Variants in PBX4 observed in about 807,000 individuals in gnomAD.
PBX4 encodes PBX homeobox 4, also known as pre-B-cell leukemia transcription factor 4.
A neutral mutation model predicts 35.1 loss-of-function variants in PBX4; 26 were observed. The ratio of observed to expected loss-of-function variants is 0.74; its 90% CI spans 0.54 to 1.03. The LOEUF is 1.03. Ranked by LOEUF, PBX4 falls within the 50% of genes least tolerant of loss-of-function variation. PBX4 has a pLI of 0.00. For synonymous variants in PBX4, 199 were observed against 204.2 expected (o/e 0.97, Z 0.22); for missense variants, 448 against 504.3 (o/e 0.89, Z 1.07).
chr19:19,569,334 C>T lies in PBX4; in HGVS notation c.768+115G>A, dbSNP rs971578291. 1.4e-5 allele frequency: 19 copies of T among 1,353,748 alleles called. No individual in the cohort carries two copies. The African/African-American group carries it at 2.8e-4, about 20-fold the overall frequency. The allele number at this position is 1,353,748 out of a possible 1,614,324, so 83.9% of individuals were successfully genotyped here. On this transcript the variant is annotated intron_variant, in intron 5 of 7. Transcript: ENST00000251203. ...CTCATCCTCCCAAAGTGCTGGGATT[C>T]CAGCAGCCATGCCTGGCCTCTGCAC... is the stretch of plus-strand genomic sequence containing the variant.
intron 5 of PBX4, among the ~76,000 whole-genome samples, chr19:19,565,305 G>A (rs1008691697): frequency 2.0e-5 from 3 of 152,222 alleles, no homozygotes; most frequent in South Asian, 4.1e-4. Context: ...TGGAGCTGGC[G>A]TGTCTTAGAA....
intron 2 of PBX4, among the ~76,000 whole-genome samples, chr19:19,595,445 T>C (rs952264608): frequency 6.6e-6 from 1 of 151,768 alleles, no homozygotes; most frequent in Non-Finnish European, 1.5e-5. Flanking sequence ...TGCCAGGGAG[T>C]TGAGGGCAAA....
intron 5 of PBX4, 62 bp from the exon 6 acceptor site, chr19:19,565,151 C>A: frequency 1.2e-6 from 2 of 1,605,424 alleles, no homozygotes; most frequent in South Asian, 2.2e-5. Flanking sequence ...ACGACGCAGT[C>A]TGTGGGTTCC....
In PBX4 at chr19:19,592,124, C is replaced by T. The variant is rs568123981; in HGVS notation, c.193+7168G>A. ...TCTCGAACTCCTGACCTCAGGTGAT[C>T]CGTCTGCCTCAGCCTCCCAAAGTGC... On this transcript the variant is annotated intron_variant, in intron 2 of 7. Transcript: ENST00000251203. 2.6e-5 allele frequency among the ~76,000 whole-genome samples: 4 copies of T among 152,160 alleles called. No individual in the cohort carries two copies. In the South Asian group the frequency reaches 8.3e-4, roughly 32 times the overall value.
At chr19:19,567,728 C>G (rs1474481266) in intron 5 of PBX4, among the ~76,000 whole-genome samples, 1 of 152,140 alleles carries the variant, frequency 6.6e-6, no homozygotes, top group Non-Finnish European at 1.5e-5. Flanking sequence ...TCTTTCACCC[C>G]CAGTTCCACA....
chr19:19,563,717 C>A lies in PBX4; in HGVS notation c.926-102G>T. The A allele has an allele frequency of 1.0e-6, 1 of 973,896 alleles. No individual in the cohort carries two copies. Among genetic ancestry groups the A allele is most frequent in the Non-Finnish European group, 1.6e-6 (1 of 626,348 alleles). The allele number at this position is 973,896 out of a possible 1,614,324, so 60.3% of individuals were successfully genotyped here. A position where few individuals can be genotyped will look rare whatever the true frequency, so the allele number is the denominator to read the frequency against. ...AGGAGGCCTCGAATGTGGCTCCTGCCCCTCCTCAGCATCCGGCCTCTGCTC... is the reference window on the plus strand; with the variant it reads ...AGGAGGCCTCGAATGTGGCTCCTGCACCTCCTCAGCATCCGGCCTCTGCTC... On this transcript the variant is annotated intron_variant, in intron 6 of 7. Coordinates refer to ENST00000251203, the MANE Select transcript of PBX4 (RefSeq NM_025245.3). The surrounding 1 kb of genome is among the most constrained non-coding windows in gnomAD (Gnocchi z 5.1).
intron 1 of PBX4, among the ~76,000 whole-genome samples, chr19:19,614,590 C>T (rs1599385678): frequency 1.3e-5 from 2 of 151,290 alleles, no homozygotes; most frequent in South Asian, 2.1e-4. Context: ...TAGCCGAGAT[C>T]GCGCCACTGC....
intron 2 of PBX4, among the ~76,000 whole-genome samples, chr19:19,595,533 A>G (rs928987458): frequency 1.3e-5 from 2 of 152,122 alleles, no homozygotes; most frequent in African/African-American, 4.8e-5. Context: ...TTGTGTTTCC[A>G]TTTCCATGGC....
At chr19:19,607,672 C>T (rs1400252266) in intron 1 of PBX4, among the ~76,000 whole-genome samples, 1 of 152,150 alleles carries the variant, frequency 6.6e-6, no homozygotes, top group East Asian at 1.9e-4. Context: ...GGCTAAGGAA[C>T]ATGAAAATGA....
rs576501204 is a variant in PBX4, at chr19:19,578,719, C to T, written c.194-7886G>A. On this transcript the variant is annotated intron_variant, in intron 2 of 7. Coordinates refer to ENST00000251203, the MANE Select transcript of PBX4 (RefSeq NM_025245.3). ...ATCGGGATTATGTTTTTCTAAGAAA[C>T]AATATGGCAATGCTGTGAGCCGAAT... Among the ~76,000 whole-genome samples the T allele has an allele frequency of 1.8e-4, 27 of 152,262 alleles. No homozygotes were observed. In the East Asian group the frequency reaches 4.0e-3, roughly 23 times the overall value.
Position 19,570,574 on chromosome 19 carries a change from C to A in PBX4, c.441+12G>T. Reference sequence around the variant, plus strand: ...TTCACATGACAGAAACTCTTCCATGCAGAAAGATCACCTGTTCATATTTCT... The same window carrying A: ...TTCACATGACAGAAACTCTTCCATGAAGAAAGATCACCTGTTCATATTTCT... On this transcript the variant is annotated intron_variant, in intron 3 of 7. Coordinates refer to ENST00000251203, the MANE Select transcript of PBX4 (RefSeq NM_025245.3). 1 of 1,610,346 alleles carries A rather than the reference C, an allele frequency of 6.2e-7. No homozygotes were observed. The highest frequency in any genetic ancestry group is 8.5e-7 in the Non-Finnish European group (1 of 1,176,836).
At chr19:19,589,291 G>C (rs2061511156) in intron 2 of PBX4, among the ~76,000 whole-genome samples, 1 of 152,056 alleles carries the variant, frequency 6.6e-6, no homozygotes, top group Admixed American at 6.6e-5. Flanking sequence ...AGAGGAGTGT[G>C]GTGGTGGGCG....
At chr19:19,583,995 C>T (rs146706622) in intron 2 of PBX4, among the ~76,000 whole-genome samples, 4 of 151,970 alleles carry the variant, frequency 2.6e-5, no homozygotes, top group Non-Finnish European at 2.9e-5. Context: ...CTTGAACCCA[C>T]GAGGCGGAGG....
Position 19,600,523 on chromosome 19 carries a change from G to GA in PBX4, c.120-1159dup, listed in dbSNP as rs944405201. On this transcript the variant is annotated intron_variant, in intron 1 of 7. Coordinates refer to ENST00000251203, the MANE Select transcript of PBX4 (RefSeq NM_025245.3). ...AGCATAACAGAGGCCTTGTCATTAA[G>GA]AAAAAAAAAAAAAGGCCAGAGGCAG... 5.3e-3 allele frequency among the ~76,000 whole-genome samples: 673 copies of GA among 125,812 alleles called. 2 individuals carry two copies. The highest frequency in any genetic ancestry group is 7.2e-3 in the Non-Finnish European group (420 of 58,118). The allele number at this position is 125,812 out of a possible 152,430, so 82.5% of individuals were successfully genotyped here.
intron 5 of PBX4, among the ~76,000 whole-genome samples, chr19:19,568,975 G>A (rs995722987): frequency 6.6e-4 from 101 of 152,330 alleles, no homozygotes; most frequent in Non-Finnish European, 4.9e-4. Context: ...CGGGGAGAGC[G>A]CTGGAGTCCC....
At chr19:19,573,358 CACACACACACACAT>C (rs1232898958) in intron 2 of PBX4, among the ~76,000 whole-genome samples, 3 of 149,788 alleles carry the variant, frequency 2.0e-5, no homozygotes, top group East Asian at 2.0e-4. Context: ...CACACACACA[CACACACACACACAT>C]ATAGGATAGT....
In PBX4 at chr19:19,591,998, T is replaced by C. The variant is rs981236950; in HGVS notation, c.193+7294A>G. 9.2e-4 allele frequency among the ~76,000 whole-genome samples: 140 copies of C among 152,130 alleles called. 1 individual carries two copies. Among genetic ancestry groups the C allele is most frequent in the African/African-American group, 3.2e-3 (132 of 41,502 alleles). On this transcript the variant is annotated intron_variant, in intron 2 of 7. Transcript: ENST00000251203. ...GCCTCAGCCTCCCGTGTAGCTAGGATTATAGGCACCCGCCACCATGCCCAG... is the reference window on the plus strand; with the variant it reads ...GCCTCAGCCTCCCGTGTAGCTAGGACTATAGGCACCCGCCACCATGCCCAG...
rs1405112611 is a variant in PBX4, at chr19:19,601,732, A to G, written c.120-2367T>C. Among the ~76,000 whole-genome samples the G allele has an allele frequency of 2.0e-5, 3 of 152,222 alleles. No individual in the cohort carries two copies. The East Asian group carries it at 5.8e-4, about 29-fold the overall frequency. ...GCTGGCCTTGATCATGGAGGAAGGGACCATGAGCAAGGAATGCAGGTGGCC... is the reference window on the plus strand; with the variant it reads ...GCTGGCCTTGATCATGGAGGAAGGGGCCATGAGCAAGGAATGCAGGTGGCC... On this transcript the variant is annotated intron_variant, in intron 1 of 7. Transcript: ENST00000251203.
chr19:19,584,180 G>A (rs952029394), intron 2 of PBX4, among the ~76,000 whole-genome samples: 1 of 152,154 alleles, frequency 6.6e-6, no homozygotes, highest in African/African-American at 2.4e-5. Flanking sequence ...GGAGGTAGCA[G>A]TGAGCCAAGA....
Sources: gnomAD v4.1 joint callset for allele counts (sites outside exome capture counted in the v4.1 genomes callset) on GRCh38, gnomAD v4.1.1 for gene constraint, Gnocchi (gnomAD v3.1) non-coding constraint, MANE v1.5 for transcripts, NCBI Gene and HGNC (gene_info 2026-07-23, HGNC 2026-07-21) for gene names.